Variants in VAV1 observed in about 807,000 individuals in gnomAD.
VAV1 encodes vav guanine nucleotide exchange factor 1.
A neutral mutation model predicts 128.1 loss-of-function variants in VAV1; 33 were observed. The ratio of observed to expected loss-of-function variants is 0.26; its 90% CI spans 0.20 to 0.34. The LOEUF is 0.34. Ranked by LOEUF, VAV1 falls within the 10% of genes least tolerant of loss-of-function variation. The pLI, the probability that VAV1 is intolerant of heterozygous loss-of-function variation, is 1.00. For synonymous variants in VAV1, 394 were observed against 409.8 expected (o/e 0.96, Z 0.47); for missense variants, 715 against 1,093.7 (o/e 0.65, Z 4.88).
chr19:6,786,117 T>TGG (rs1970887157), intron 1 of VAV1, among the ~76,000 whole-genome samples: 1 of 152,208 alleles, frequency 6.6e-6, no homozygotes, highest in Non-Finnish European at 1.5e-5. Context: ...ATTACCTGTT[T>TGG]TCCACACTCA....
chr19:6,819,129 A>G (rs910934156), intron 1 of VAV1, among the ~76,000 whole-genome samples: 6 of 152,280 alleles, frequency 3.9e-5, no homozygotes, highest in Non-Finnish European at 8.8e-5. Flanking sequence ...CAAAAAAAAG[A>G]AAGAAAAGAA....
At chr19:6,773,886 G>T (rs911144426) in intron 1 of VAV1, among the ~76,000 whole-genome samples, 1 of 152,084 alleles carries the variant, frequency 6.6e-6, no homozygotes, top group Non-Finnish European at 1.5e-5. Flanking sequence ...GGGGCTGGTG[G>T]AGTCCCATCT....
At chr19:6,829,689 A>T (rs1972009500) in intron 13 of VAV1, 97 bp from the exon 14 acceptor site, 15 of 1,558,226 alleles carry the variant, frequency 9.6e-6, no homozygotes, top group Non-Finnish European at 1.3e-5. Flanking sequence ...GGAGGAGGAG[A>T]AGGGCAGGGT....
chr19:6,846,315 G>A (rs926832760), intron 22 of VAV1, among the ~76,000 whole-genome samples: 4 of 151,298 alleles, frequency 2.6e-5, no homozygotes, highest in African/African-American at 4.8e-5. Context: ...GGCTGGGCAC[G>A]GTGGCTTATG....
chr19:6,814,675 T>C (rs371396842), intron 1 of VAV1, among the ~76,000 whole-genome samples: 4,306 of 76,354 alleles, frequency 0.056, 241 homozygotes, highest in African/African-American at 0.2. Flanking sequence ...TTCCTTCCTT[T>C]CTTTCTTTCT....
chr19:6,812,254 C>T lies in VAV1; in HGVS notation c.205-8448C>T, dbSNP rs933552974. 4.6e-5 allele frequency among the ~76,000 whole-genome samples: 7 copies of T among 152,166 alleles called. No homozygotes were observed. In the South Asian group the frequency reaches 1.0e-3, roughly 23 times the overall value. ...CTAAGGGCTTGGAGGCAGTAACACT[C>T]AGTTTGATTTGTGCTCTTGAGTAAA... On this transcript the variant is annotated intron_variant, in intron 1 of 26. Transcript: ENST00000602142.
chr19:6,828,599 G>T lies in VAV1; in HGVS notation c.1093-23G>T. ...CCTGGGTCGGCTGTTGGGGGGCCAG[G>T]TTCACCCCTGCCCCCTCCCCAGGAC... is the stretch of plus-strand genomic sequence containing the variant. On this transcript the variant is annotated intron_variant, in intron 11 of 26. Transcript: ENST00000602142. This position sits in a 1 kb window ranked among gnomAD's most constrained non-coding sequence, Gnocchi z 4.5. The T allele has an allele frequency of 6.2e-7, 1 of 1,613,724 alleles. No homozygotes were observed. Among genetic ancestry groups the T allele is most frequent in the South Asian group, 1.1e-5 (1 of 91,066 alleles).
At chr19:6,804,535 C>A (rs113940601) in intron 1 of VAV1, among the ~76,000 whole-genome samples, 3,224 of 151,008 alleles carry the variant, frequency 0.021, 107 homozygotes, top group African/African-American at 0.068. Flanking sequence ...TCCTGCCTCA[C>A]CCTTCTGAGT....
At chr19:6,845,407 T>C (rs909483165) in intron 22 of VAV1, among the ~76,000 whole-genome samples, 4 of 151,672 alleles carry the variant, frequency 2.6e-5, no homozygotes, top group African/African-American at 7.3e-5. Context: ...AACAAACAAA[T>C]AAATAAATAA....
At chr19:6,785,852 G>T (rs1005070542) in intron 1 of VAV1, among the ~76,000 whole-genome samples, 1 of 151,486 alleles carries the variant, frequency 6.6e-6, no homozygotes, top group African/African-American at 2.4e-5. Context: ...TAGAGATGGG[G>T]TTTCACCATG....
Position 6,820,686 on chromosome 19 carries a change from C to A in VAV1, c.205-16C>A. 6.2e-7 allele frequency: 1 copy of A among 1,612,704 alleles called. No individual in the cohort carries two copies. Among genetic ancestry groups the A allele is most frequent in the Non-Finnish European group, 8.5e-7 (1 of 1,178,714 alleles). On this transcript the variant is annotated splice_polypyrimidine_tract_variant and intron_variant, in intron 1 of 26. Transcript: ENST00000602142. This position sits in a 1 kb window ranked among gnomAD's most constrained non-coding sequence, Gnocchi z 4.4. ...CTTTCGTACTGCCCCACCCTCATTT[C>A]TCTGTCTCCTCACAGTTCCTGTGCC... is the stretch of plus-strand genomic sequence containing the variant.
At position 6,828,038 on chromosome 19, in the gene VAV1, A is replaced by G; in HGVS notation, c.928-38A>G. The G allele has an allele frequency of 6.3e-7, 1 of 1,594,508 alleles. No individual in the cohort carries two copies. Among genetic ancestry groups the G allele is most frequent in the South Asian group, 1.1e-5 (1 of 90,662 alleles). On this transcript the variant is annotated intron_variant, in intron 9 of 26. Transcript: ENST00000602142. The surrounding 1 kb of genome is among the most constrained non-coding windows in gnomAD (Gnocchi z 4.5). ...CACCCTGCAACTGGCTGTTTCTGGG[A>G]CCTGCCTCAGTTTCCCCATTGTTCT...
intron 1 of VAV1, among the ~76,000 whole-genome samples, chr19:6,779,834 G>A (rs1025974868): frequency 6.0e-5 from 9 of 149,842 alleles, no homozygotes; most frequent in African/African-American, 2.4e-5. Flanking sequence ...ATAAAAGGCC[G>A]GGCACGGTGA....
chr19:6,823,684 G>A (rs371130628), intron 6 of VAV1, among the ~76,000 whole-genome samples: 2 of 151,288 alleles, frequency 1.3e-5, no homozygotes. Context: ...GTCTCCTCTC[G>A]CTACTTTCTT....
intron 1 of VAV1, among the ~76,000 whole-genome samples, chr19:6,808,244 G>A (rs181912317): frequency 4.7e-4 from 72 of 151,622 alleles, no homozygotes; most frequent in Middle Eastern, 3.4e-3. Flanking sequence ...CCCAGGAGGC[G>A]GAGTTTGCAG....
At chr19:6,838,978 T>C (rs1166270842) in intron 21 of VAV1, among the ~76,000 whole-genome samples, 3 of 151,942 alleles carry the variant, frequency 2.0e-5, no homozygotes, top group Admixed American at 2.0e-4. Flanking sequence ...TCTCGGCTCA[T>C]TGCAACCTCC....
intron 1 of VAV1, chr19:6,816,361 T>C (rs1005862679): frequency 4.6e-5 from 7 of 151,130 alleles, no homozygotes; most frequent in African/African-American, 1.7e-4. Flanking sequence ...GTGGCACACA[T>C]CCATTGTCCT....
intron 1 of VAV1, among the ~76,000 whole-genome samples, chr19:6,806,013 A>G (rs1181221498): frequency 6.6e-6 from 1 of 152,070 alleles, no homozygotes; most frequent in East Asian, 1.9e-4. Context: ...AAGTTTGCAA[A>G]TGACAGAAAA....
In VAV1 at chr19:6,828,124, C is replaced by A; in HGVS notation, c.976C>A (p.Leu326Met). 6.2e-7 allele frequency: 1 copy of A among 1,614,214 alleles called. No individual in the cohort carries two copies. Among genetic ancestry groups the A allele is most frequent in the Non-Finnish European group, 8.5e-7 (1 of 1,180,050 alleles). The stretch of plus-strand genomic sequence containing the variant: ...CGGGAGGTTCACCCTGCGGGACCTG[C>A]TGATGGTGCCTATGCAGCGAGTTCT... ...NNGRFTLRDL[L>M]MVPMQRVLKY... Residue 326 changes from leucine to methionine, a missense_variant, in exon 10 of 27, where the codon CTG (leucine) becomes ATG (methionine). Physicochemically the swap from Leu to Met is conservative, Grantham distance 15. Coordinates refer to ENST00000602142, the MANE Select transcript of VAV1 (RefSeq NM_005428.4). The surrounding 1 kb of genome is among the most constrained non-coding windows in gnomAD (Gnocchi z 4.5).
Sources: gnomAD v4.1 joint callset for allele counts (sites outside exome capture counted in the v4.1 genomes callset) on GRCh38, gnomAD v4.1.1 for gene constraint, Gnocchi (gnomAD v3.1) non-coding constraint, MANE v1.5 for transcripts, NCBI Gene and HGNC (gene_info 2026-07-23, HGNC 2026-07-21) for gene names.